Variants in SPEG observed in about 807,000 individuals in gnomAD.
The protein encoded by SPEG is striated muscle preferentially expressed protein kinase.
Under a neutral mutation model 300.4 loss-of-function variants are expected in SPEG, and 114 were observed. The observed-to-expected ratio is 0.38, with a 90% CI of 0.33 to 0.44. SPEG has a LOEUF of 0.44. Among genes scored for constraint, SPEG ranks in the 20% least tolerant of loss-of-function variants. SPEG has a pLI of 1.00. For missense variants in SPEG, 4,201 were observed against 4,586.2 expected (o/e 0.92, Z 2.43); for synonymous variants, 1,964 against 2,018.9 (o/e 0.97, Z 0.73).
In SPEG at chr2:219,443,259, C is replaced by A; in HGVS notation, c.389-1394C>A. On this transcript the variant is annotated intron_variant, in intron 1 of 40. Coordinates refer to ENST00000312358, the MANE Select transcript of SPEG (RefSeq NM_005876.5). This position sits in a 1 kb window ranked among gnomAD's most constrained non-coding sequence, Gnocchi z 4.6. Reference sequence around the variant, plus strand: ...TGAAGACAGCCCATGAGATGTGGAACCCTCCCACTCACCCCCACACTTATC... The same window carrying A: ...TGAAGACAGCCCATGAGATGTGGAAACCTCCCACTCACCCCCACACTTATC... 1 of 1,095,484 alleles carries A rather than the reference C, an allele frequency of 9.1e-7. No homozygotes were observed. Among genetic ancestry groups the A allele is most frequent in the African/African-American group, 1.5e-5 (1 of 64,826 alleles). 67.9% of individuals were successfully genotyped at this position (1,095,484 alleles called of 1,614,324 possible).
chr2:219,466,085 T>TC (rs1414002497), intron 9 of SPEG: 4 of 1,593,022 alleles, frequency 2.5e-6, no homozygotes, highest in East Asian at 4.5e-5. Flanking sequence ...CCACCTGTGC[T>TC]CCCCCCGCTA....
Position 219,481,229 on chromosome 2 carries a change from C to T in SPEG, c.5370-75C>T. ...CACAACCCCAGAGCCTCCATCTGTC[C>T]CCAGCCCTGTGCCCCCACTGACATT... On this transcript the variant is annotated intron_variant, in intron 26 of 40. Transcript: ENST00000312358. The surrounding 1 kb of genome is among the most constrained non-coding windows in gnomAD (Gnocchi z 5.4). 2.7e-6 allele frequency: 4 copies of T among 1,507,996 alleles called. No homozygotes were observed. Among genetic ancestry groups the T allele is most frequent in the Non-Finnish European group, 3.6e-6 (4 of 1,098,774 alleles). 93.4% of individuals were successfully genotyped at this position (1,507,996 alleles called of 1,614,324 possible).
At chr2:219,486,749 T>C (rs12988743) in intron 31 of SPEG, among the ~76,000 whole-genome samples, 7,109 of 151,632 alleles carry the variant, frequency 0.047, 238 homozygotes, top group Middle Eastern at 0.075. Context: ...GGGGTGGGGC[T>C]GGCGGGGCTG....
Position 219,444,087 on chromosome 2 carries a change from C to A in SPEG, c.389-566C>A, listed in dbSNP as rs779561707. 19 of 1,357,032 alleles carry A rather than the reference C, an allele frequency of 1.4e-5. No individual in the cohort carries two copies. Among genetic ancestry groups the A allele is most frequent in the Non-Finnish European group, 1.9e-5 (19 of 1,017,098 alleles). The allele number at this position is 1,357,032 out of a possible 1,614,324, so 84.1% of individuals were successfully genotyped here. A position where few individuals can be genotyped will look rare whatever the true frequency, so the allele number is the denominator to read the frequency against. The stretch of plus-strand genomic sequence containing the variant: ...AGGAAACTGGCTCCTGCTCTAGCCC[C>A]CCGCATCCCCCCCTTTCCCACCCGG... On this transcript the variant is annotated intron_variant, in intron 1 of 40. Transcript: ENST00000312358. This position sits in a 1 kb window ranked among gnomAD's most constrained non-coding sequence, Gnocchi z 7.8.
intron 38 of SPEG, 119 bp downstream of exon 38, chr2:219,491,075 C>A: frequency 1.4e-6 from 1 of 739,160 alleles, no homozygotes; most frequent in Non-Finnish European, 2.2e-6. Context: ...TGTATTCAAG[C>A]AATGAACGAA....
At chr2:219,436,153 C>T (rs773254675) in intron 1 of SPEG, among the ~76,000 whole-genome samples, 1 of 152,186 alleles carries the variant, frequency 6.6e-6, no homozygotes, top group Non-Finnish European at 1.5e-5. Flanking sequence ...AAGGGGGATG[C>T]TATGGACCAG....
Position 219,484,876 on chromosome 2 carries a change from T to C in SPEG, c.7413T>C (p.Ser2471=), listed in dbSNP as rs1450132375. The change falls in exon 30 of 41, where the codon AGT becomes AGC. Residue 2471 remains serine, a synonymous_variant. Coordinates refer to ENST00000312358, the MANE Select transcript of SPEG (RefSeq NM_005876.5). The stretch of plus-strand genomic sequence containing the variant: ...GGCTGTCCAGCCGATTGCAGCGCAG[T>C]GGCAGCAGCGAGGACTCGGGGGGCG... ...LERLSSRLQR[S]GSSEDSGGAS... 1 of 1,524,796 alleles carries C rather than the reference T, an allele frequency of 6.6e-7. No individual in the cohort carries two copies. The highest frequency in any genetic ancestry group is 2.5e-5 in the East Asian group (1 of 39,486). The allele number at this position is 1,524,796 out of a possible 1,614,324, so 94.5% of individuals were successfully genotyped here. A position where few individuals can be genotyped will look rare whatever the true frequency, so the allele number is the denominator to read the frequency against.
chr2:219,476,801 G>A (rs1436124093), intron 18 of SPEG, 69 bp from the exon 19 acceptor site: 2 of 1,238,386 alleles, frequency 1.6e-6, no homozygotes, highest in African/African-American at 3.0e-5. Context: ...TCTTGGGAGG[G>A]GCTGAGGAGG....
In SPEG at chr2:219,467,163, T is replaced by C; in HGVS notation, c.2882-11T>C. On this transcript the variant is annotated splice_polypyrimidine_tract_variant and intron_variant, in intron 9 of 40. Transcript: ENST00000312358. The stretch of plus-strand genomic sequence containing the variant: ...CTCTGTGCGTGGCCCCCGTGGCTGC[T>C]TTCCCCTCAGCACACCCTGAAAGCC... 1 of 1,563,334 alleles carries C rather than the reference T, an allele frequency of 6.4e-7. No homozygotes were observed. Among genetic ancestry groups the C allele is most frequent in the Non-Finnish European group, 8.7e-7 (1 of 1,156,002 alleles).
Position 219,473,917 on chromosome 2 carries a change from G to T in SPEG, c.4447+14G>T. ...TGGAGCTGGCAGGTGGGTGACAGCG[G>T]GCCTTCTTCCTAGCCTCCCTCCAAG... On this transcript the variant is annotated intron_variant, in intron 18 of 40. Transcript: ENST00000312358. The surrounding 1 kb of genome is among the most constrained non-coding windows in gnomAD (Gnocchi z 4.6). 6.3e-7 allele frequency: 1 copy of T among 1,596,078 alleles called. No individual in the cohort carries two copies. Among genetic ancestry groups the T allele is most frequent in the Non-Finnish European group, 8.5e-7 (1 of 1,170,442 alleles).
In SPEG at chr2:219,478,718, A is replaced by C. The variant is rs13410967; in HGVS notation, c.5028-426A>C. Among the ~76,000 whole-genome samples the C allele has an allele frequency of 1.9e-3, 286 of 152,306 alleles. 2 individuals are homozygous for C. Among genetic ancestry groups the C allele is most frequent in the African/African-American group, 6.6e-3 (273 of 41,568 alleles). ...CCTGCACTGTTTGAATTCAAACCTC[A>C]GCAAAATGACAAATTATTCCATGTC... On this transcript the variant is annotated intron_variant, in intron 22 of 40. Transcript: ENST00000312358.
chr2:219,448,793 G>C lies in SPEG; in HGVS notation c.1635G>C (p.Ser545=). 7.1e-7 allele frequency: 1 copy of C among 1,406,930 alleles called. No homozygotes were observed. Among genetic ancestry groups the C allele is most frequent in the Non-Finnish European group, 9.2e-7 (1 of 1,088,028 alleles). The allele number at this position is 1,406,930 out of a possible 1,614,324, so 87.2% of individuals were successfully genotyped here. ...CTCGGCCCTCCACCCCCAAGACATC[G>C]CGGGCCGTGAGCCCCGCCGCCGCCC... The part of the protein sequence containing the change: ...LFSRPSTPKT[S]RAVSPAAAQP... Residue 545 remains serine, a synonymous_variant, in exon 4 of 41, where the codon TCG becomes TCC. Coordinates refer to ENST00000312358, the MANE Select transcript of SPEG (RefSeq NM_005876.5).
chr2:219,484,431 G>A lies in SPEG; in HGVS notation c.6968G>A (p.Ser2323Asn). The part of the protein sequence containing the change: ...PPRPGSSLSS[S>N]IENLESEAVF... The stretch of plus-strand genomic sequence containing the variant: ...AGGCCAGGCAGCAGTCTCAGTAGCA[G>A]CATCGAAAACTTGGAGTCGGAGGCC... Residue 2323 changes from serine to asparagine, a missense_variant, in exon 30 of 41, where the codon AGC becomes AAC. This residue lies in a region of SPEG where 1,578 missense variants were observed against 1,506.0 expected (regional missense o/e 1.05). Coordinates refer to ENST00000312358, the MANE Select transcript of SPEG (RefSeq NM_005876.5). 1.9e-6 allele frequency: 3 copies of A among 1,611,406 alleles called. No homozygotes were observed. The highest frequency in any genetic ancestry group is 2.5e-6 in the Non-Finnish European group (3 of 1,179,812).
At chr2:219,468,801 C>A in intron 11 of SPEG, 58 bp from the exon 12 acceptor site, 1 of 1,608,030 alleles carries the variant, frequency 6.2e-7, no homozygotes, top group Non-Finnish European at 8.5e-7. Flanking sequence ...TGGGGTGCAC[C>A]CAGAGGGCAG....
intron 13 of SPEG, among the ~76,000 whole-genome samples, 169 bp downstream of exon 13, chr2:219,469,548 G>A (rs1355329847): frequency 6.6e-6 from 1 of 152,134 alleles, no homozygotes; most frequent in Non-Finnish European, 1.5e-5. Context: ...TGCCTCCCCT[G>A]CAAGCCCACA....
intron 18 of SPEG, among the ~76,000 whole-genome samples, chr2:219,474,851 C>T (rs1692203836): frequency 6.8e-6 from 1 of 147,596 alleles, no homozygotes. Flanking sequence ...CACACCATCT[C>T]GGCTCACTGC....
Position 219,481,449 on chromosome 2 carries a change from G to A in SPEG, c.5515G>A (p.Asp1839Asn). 1 of 1,614,082 alleles carries A rather than the reference G, an allele frequency of 6.2e-7. No individual in the cohort carries two copies. The highest frequency in any genetic ancestry group is 8.5e-7 in the Non-Finnish European group (1 of 1,180,002). Reference protein sequence around the residue: ...RGFLIKVLVQDRLRPTAEETL... With the variant: ...RGFLIKVLVQNRLRPTAEETL... ...CTTCCTCATCAAAGTGTTGGTGCAGGACCGGCTGTGAGTACAAGGCCCTGG... is the reference window on the plus strand; with the variant it reads ...CTTCCTCATCAAAGTGTTGGTGCAGAACCGGCTGTGAGTACAAGGCCCTGG... Residue 1839 changes from aspartate (D) to asparagine (N), a missense_variant, in exon 27 of 41, where the codon GAC becomes AAC. Asp to Asn is a conservative substitution (Grantham distance 23). Around this residue, in one of 4 missense-constraint regions of SPEG, gnomAD observed 1,047 missense variants for 1,356.8 expected, o/e 0.77. Coordinates refer to ENST00000312358, the MANE Select transcript of SPEG (RefSeq NM_005876.5). This position sits in a 1 kb window ranked among gnomAD's most constrained non-coding sequence, Gnocchi z 5.4.
chr2:219,460,505 C>T (rs746998368), intron 6 of SPEG: 39 of 985,456 alleles, frequency 4.0e-5, no homozygotes, highest in Middle Eastern at 1.0e-3. Context: ...CCACCCCTCC[C>T]CTGTCTTGCT....
At chr2:219,476,179 A>G (rs1692324849) in intron 18 of SPEG, among the ~76,000 whole-genome samples, 3 of 152,164 alleles carry the variant, frequency 2.0e-5, no homozygotes, top group African/African-American at 7.2e-5. Flanking sequence ...TGAAATCACA[A>G]CCACATGTGG....
Sources: allele counts gnomAD v4.1 joint callset (sites outside exome capture counted in the v4.1 genomes callset), GRCh38; gene constraint gnomAD v4.1.1; regional missense constraint gnomAD v4.1.1; non-coding constraint Gnocchi (gnomAD v3.1); transcripts MANE v1.5; gene names NCBI Gene and HGNC (gene_info 2026-07-23, HGNC 2026-07-21).